ZNF367: variants seen among roughly 807,000 people sequenced by gnomAD.
ZNF367 encodes the protein zinc finger protein 367.
ZNF367 carries 11 observed loss-of-function variants against 31.8 expected under a neutral mutation model. That is an observed-to-expected ratio of 0.35 (90% confidence interval 0.22 to 0.57). The LOEUF is 0.57. ZNF367 is among the 20% of genes least tolerant of loss of function. ZNF367 has a pLI of 0.85. For missense variants in ZNF367, 353 were observed against 484.1 expected (o/e 0.73, Z 2.54); for synonymous variants, 199 against 202.4 (o/e 0.98, Z 0.14).
At chr9:96,396,866 C>T (rs768328512) in intron 2 of ZNF367, among the ~76,000 whole-genome samples, 10 of 152,058 alleles carry the variant, frequency 6.6e-5, no homozygotes, top group Non-Finnish European at 1.5e-4. Flanking sequence ...GGGGTCTCTC[C>T]ATGTTGGCCA....
intron 1 of ZNF367, among the ~76,000 whole-genome samples, chr9:96,409,409 T>C (rs142525558): frequency 3.9e-5 from 6 of 152,328 alleles, no homozygotes; most frequent in African/African-American, 1.4e-4. Flanking sequence ...AGCACACCAG[T>C]GGTCAACCCT....
chr9:96,417,408 C>A lies in ZNF367; in HGVS notation c.420+205G>T, dbSNP rs1303241485. Among the ~76,000 whole-genome samples, 1 of 147,846 alleles carries A rather than the reference C, an allele frequency of 6.8e-6. No individual in the cohort carries two copies. Among genetic ancestry groups the A allele is most frequent in the Non-Finnish European group, 1.5e-5 (1 of 67,374 alleles). On this transcript the variant is annotated intron_variant, in intron 1 of 4. Coordinates refer to ENST00000375256, the MANE Select transcript of ZNF367 (RefSeq NM_153695.4). This position sits in a 1 kb window ranked among gnomAD's most constrained non-coding sequence, Gnocchi z 5.0. Reference sequence around the variant, plus strand: ...CTGCACCTGCCGCAAGGACGGTCTCCCGCGCCGCTCCCGCCTGTCACGTGA... The same window carrying A: ...CTGCACCTGCCGCAAGGACGGTCTCACGCGCCGCTCCCGCCTGTCACGTGA...
chr9:96,417,844 G>A lies in ZNF367; in HGVS notation c.189C>T (p.Phe63=), dbSNP rs1041569983. The A allele has an allele frequency of 6.7e-6, 10 of 1,496,056 alleles. No homozygotes were observed. The African/African-American group carries it at 1.2e-4, about 18-fold the overall frequency. 92.7% of individuals were successfully genotyped at this position (1,496,056 alleles called of 1,614,324 possible). Residue 63 remains phenylalanine (F), a synonymous_variant, in exon 1 of 5, where the codon TTC becomes TTT. Coordinates refer to ENST00000375256, the MANE Select transcript of ZNF367 (RefSeq NM_153695.4). This position sits in a 1 kb window ranked among gnomAD's most constrained non-coding sequence, Gnocchi z 5.0. ...GCCACGGGTACACCATGAAGTCGCT[G>A]AAGCCGGGGCTGGTGGGGATGAGCG... The part of the protein sequence containing the change: ...PPPLIPTSPG[F]SDFMVYPWRW...
chr9:96,407,691 T>A (rs562255199), intron 1 of ZNF367: 33 of 1,410,764 alleles, frequency 2.3e-5, no homozygotes, highest in Admixed American at 1.9e-4. Context: ...TATTAAAAGT[T>A]ATTCGAACAG....
In ZNF367 at chr9:96,416,496, T is replaced by G. The variant is rs115962798; in HGVS notation, c.420+1117A>C. Reference sequence around the variant, plus strand: ...TATTTAATAATAATGCCACATAAAATATATCAATTTCCTCAAAACCCAAAC... The same window carrying G: ...TATTTAATAATAATGCCACATAAAAGATATCAATTTCCTCAAAACCCAAAC... On this transcript the variant is annotated intron_variant, in intron 1 of 4. Coordinates refer to ENST00000375256, the MANE Select transcript of ZNF367 (RefSeq NM_153695.4). Among the ~76,000 whole-genome samples the G allele has an allele frequency of 5.6e-3, 848 of 152,326 alleles. 4 individuals are homozygous for G. The highest frequency in any genetic ancestry group is 0.048 in the Middle Eastern group (14 of 294).
At chr9:96,410,896 A>C (rs145464770) in intron 1 of ZNF367, among the ~76,000 whole-genome samples, 1 of 151,268 alleles carries the variant, frequency 6.6e-6, no homozygotes, top group African/African-American at 2.4e-5. Context: ...AAAACAAAAC[A>C]AAACAAAAAA....
chr9:96,388,522 C>T (rs937389754), intron 4 of ZNF367, 63 bp from the exon 5 acceptor site: 57 of 1,465,160 alleles, frequency 3.9e-5, no homozygotes, highest in Non-Finnish European at 5.1e-5. Flanking sequence ...GTTTACTTTT[C>T]TTTTAAAAAG....
At chr9:96,401,848 A>G (rs1831608408) in intron 1 of ZNF367, among the ~76,000 whole-genome samples, 1 of 151,512 alleles carries the variant, frequency 6.6e-6, no homozygotes. Flanking sequence ...AAAATTTTTA[A>G]ATTAGCAAGG....
intron 1 of ZNF367, among the ~76,000 whole-genome samples, chr9:96,399,660 A>G (rs1380715493): frequency 7.2e-5 from 11 of 152,202 alleles, no homozygotes; most frequent in Non-Finnish European, 1.3e-4. Context: ...TCTACTAAAA[A>G]TACAAAAATT....
chr9:96,407,950 G>A (rs1042633807), intron 1 of ZNF367, among the ~76,000 whole-genome samples: 3 of 151,144 alleles, frequency 2.0e-5, no homozygotes, highest in African/African-American at 7.3e-5. Flanking sequence ...CAAATAGCCT[G>A]TTTCTGTAAA....
At chr9:96,392,613 T>C (rs1312964418) in intron 3 of ZNF367, 77 bp from the exon 4 acceptor site, 14 of 1,510,468 alleles carry the variant, frequency 9.3e-6, no homozygotes, top group Non-Finnish European at 1.2e-5. Flanking sequence ...TCAGTTTCAC[T>C]GGTATCCAGA....
Position 96,410,579 on chromosome 9 carries a change from A to C in ZNF367, c.420+7034T>G, listed in dbSNP as rs112190049. Among the ~76,000 whole-genome samples, 490 of 138,758 alleles carry C rather than the reference A, an allele frequency of 3.5e-3. 3 individuals are homozygous for C. The highest frequency in any genetic ancestry group is 0.013 in the African/African-American group (457 of 35,068). The allele number at this position is 138,758 out of a possible 152,430, so 91.0% of individuals were successfully genotyped here. On this transcript the variant is annotated intron_variant, in intron 1 of 4. Coordinates refer to ENST00000375256, the MANE Select transcript of ZNF367 (RefSeq NM_153695.4). ...TCCGTCTCAAAAAAAAAAAAAAAAA[A>C]CAAAAAAAACCATAGACCAGGCACG...
In ZNF367 at chr9:96,410,275, G is replaced by A. The variant is rs542057819; in HGVS notation, c.420+7338C>T. Among the ~76,000 whole-genome samples, 590 of 134,792 alleles carry A rather than the reference G, an allele frequency of 4.4e-3. 3 individuals carry two copies. Among genetic ancestry groups the A allele is most frequent in the Middle Eastern group, 7.1e-3 (1 of 140 alleles). 88.4% of individuals were successfully genotyped at this position (134,792 alleles called of 152,430 possible). On this transcript the variant is annotated intron_variant, in intron 1 of 4. Coordinates refer to ENST00000375256, the MANE Select transcript of ZNF367 (RefSeq NM_153695.4). ...CTCTGTCTCAAAAAAAAAAGCCATA[G>A]GCCTGGCTGGGCGTGGTGGCTCACG... is the stretch of plus-strand genomic sequence containing the variant.
chr9:96,402,210 C>T (rs1223842949), intron 1 of ZNF367, among the ~76,000 whole-genome samples: 16 of 151,054 alleles, frequency 1.1e-4, no homozygotes, highest in African/African-American at 3.2e-4. Flanking sequence ...GAGCCGAGTT[C>T]GCACCACTGC....
intron 1 of ZNF367, among the ~76,000 whole-genome samples, chr9:96,409,976 G>A (rs1466783072): frequency 6.6e-6 from 1 of 152,174 alleles, no homozygotes; most frequent in South Asian, 2.1e-4. Context: ...CATGAAATCA[G>A]GACAATTAAA....
At chr9:96,398,343 T>A (rs762919065) in intron 1 of ZNF367, 29 bp from the exon 2 acceptor site, 14 of 1,579,290 alleles carry the variant, frequency 8.9e-6, no homozygotes, top group Non-Finnish European at 1.2e-5. Context: ...AACATTAATA[T>A]AATTTATTTA....
rs1223128720 is a variant in ZNF367, at chr9:96,388,324, G to C, written c.966C>G (p.Arg322=). Residue 322 remains arginine (R), a synonymous_variant, in exon 5 of 5, where the codon CGC becomes CGG. Coordinates refer to ENST00000375256, the MANE Select transcript of ZNF367 (RefSeq NM_153695.4). ...GGCGCTCCCGCTGCTCCTGCAGCCG[G>C]CGCTGGGCCCCTCTCTTCTCGTCGT... The part of the protein sequence containing the change: ...EEDDEKRGAQ[R]RLQEQRERLH... 1 of 1,612,522 alleles carries C rather than the reference G, an allele frequency of 6.2e-7. No individual in the cohort carries two copies. Among genetic ancestry groups the C allele is most frequent in the Admixed American group, 1.7e-5 (1 of 60,026 alleles).
intron 1 of ZNF367, among the ~76,000 whole-genome samples, chr9:96,403,509 G>T (rs1013522404): frequency 2.0e-5 from 3 of 151,808 alleles, no homozygotes; most frequent in Non-Finnish European, 2.9e-5. Flanking sequence ...AATGGAAAAG[G>T]CTATCCTCAA....
chr9:96,392,167 T>A, intron 4 of ZNF367: 1 of 587,906 alleles, frequency 1.7e-6, no homozygotes, highest in Non-Finnish European at 2.9e-6. Context: ...CCTTTTAAAA[T>A]AAACTGTAGT....
Sources: allele counts gnomAD v4.1 joint callset (sites outside exome capture counted in the v4.1 genomes callset), GRCh38; gene constraint gnomAD v4.1.1; non-coding constraint Gnocchi (gnomAD v3.1); transcripts MANE v1.5; gene names NCBI Gene and HGNC (gene_info 2026-07-23, HGNC 2026-07-21).